The following PCDHA3 variants were observed in gnomAD, a reference collection of about 807,000 sequenced individuals.
The protein encoded by PCDHA3 is protocadherin alpha 3.
A neutral mutation model predicts 62.2 loss-of-function variants in PCDHA3; 41 were observed. That is an observed-to-expected ratio of 0.66 (90% CI 0.51 to 0.86). The LOEUF is 0.86. Among genes scored for constraint, PCDHA3 ranks in the 40% least tolerant of loss-of-function variants. The probability of loss-of-function intolerance (pLI) is 0.00; values close to 1 mark genes in which losing one functional copy is unlikely to be tolerated. For synonymous variants in PCDHA3, 640 were observed against 555.4 expected, an observed-to-expected ratio of 1.15 and a Z score of -2.14; for missense variants, 1,304 against 1,241.2, an observed-to-expected ratio of 1.05 and a Z score of -0.76.
intron 1 of PCDHA3, 102 bp downstream of exon 1, chr5:140,803,693 G>A (rs782316183): frequency 1.9e-6 from 3 of 1,543,450 alleles, no homozygotes; most frequent in Non-Finnish European, 8.8e-7. Context: ...TGAATTATGT[G>A]ATTCATAATT....
At chr5:140,859,044 G>C (rs1228604447) in intron 1 of PCDHA3, 6 of 150,376 alleles carry the variant, frequency 4.0e-5, no homozygotes, top group Non-Finnish European at 7.4e-5. Context: ...CTTTAAAAAC[G>C]TTTTCCATTT....
intron 1 of PCDHA3, chr5:140,856,192 G>A (rs782508103): frequency 1.9e-6 from 3 of 1,598,180 alleles, no homozygotes; most frequent in Non-Finnish European, 1.7e-6. Context: ...GCCGCATCGC[G>A]CAGGACCTGG....
At chr5:140,927,940 C>T (rs1247043975) in intron 1 of PCDHA3, 1 of 1,614,108 alleles carries the variant, frequency 6.2e-7, no homozygotes, top group African/African-American at 1.3e-5. Flanking sequence ...GAACCCAGTA[C>T]CTGAGGACGC....
At chr5:140,881,085 A>G (rs1554171740) in intron 1 of PCDHA3, among the ~76,000 whole-genome samples, 1 of 152,156 alleles carries the variant, frequency 6.6e-6, no homozygotes, top group East Asian at 1.9e-4. Flanking sequence ...GCTATGATAT[A>G]TTTTTCATTA....
chr5:140,907,491 C>A (rs1554193021), intron 1 of PCDHA3, among the ~76,000 whole-genome samples: 1 of 152,186 alleles, frequency 6.6e-6, no homozygotes, highest in Non-Finnish European at 1.5e-5. Flanking sequence ...AAACCCATAT[C>A]CAGAGTAAGT....
chr5:140,876,094 C>T lies in PCDHA3; in HGVS notation c.2394+72503C>T, dbSNP rs782479233. 13 of 1,613,808 alleles carry T rather than the reference C, an allele frequency of 8.1e-6. No homozygotes were observed. In the Admixed American group the frequency reaches 1.5e-4, roughly 19 times the overall value. On this transcript the variant is annotated intron_variant, in intron 1 of 3. Transcript: ENST00000522353. ...ATTGGACAGAGAGCAAACGCCAAAA[C>T]TCAATTTATTGCTGATGGTAATCGA...
At chr5:140,869,258 TG>T in intron 1 of PCDHA3, 1 of 1,613,558 alleles carries the variant, frequency 6.2e-7, no homozygotes, top group Non-Finnish European at 8.5e-7. Context: ...GCGCAGGACC[TG>T]GGGCTGGAGC....
rs782723382 is a variant in PCDHA3 at position 140,807,795 on chromosome 5, A to G, written c.2394+4204A>G. The G allele has an allele frequency of 5.0e-6, 8 of 1,614,158 alleles. No individual in the cohort carries two copies. The Admixed American group carries it at 1.3e-4, about 27-fold the overall frequency. The stretch of plus-strand genomic sequence containing the variant: ...ATATTACGGAAATCTTTAGACAGAG[A>G]AGAAGCTCCGGAGATTTTTTTAGTG... On this transcript the variant is annotated intron_variant, in intron 1 of 3. Coordinates refer to ENST00000522353, the MANE Select transcript of PCDHA3 (RefSeq NM_018906.3).
intron 1 of PCDHA3, chr5:140,848,888 A>C: frequency 6.4e-7 from 1 of 1,564,652 alleles, no homozygotes; most frequent in South Asian, 1.1e-5. Flanking sequence ...ACAACCCTCC[A>C]GTGTTCCCAG....
Position 140,835,739 on chromosome 5 carries a change from C to G in PCDHA3, c.2394+32148C>G, listed in dbSNP as rs185499663. On this transcript the variant is annotated intron_variant, in intron 1 of 3. Transcript: ENST00000522353. ...AGGTGGCCGACGTGAACGACAACGC[C>G]CCGGCGTTCGCGCAGCCCGAGTATA... The G allele has an allele frequency of 4.3e-6, 7 of 1,613,474 alleles. No individual in the cohort carries two copies. In the African/African-American group the frequency reaches 5.3e-5, roughly 12 times the overall value.
intron 1 of PCDHA3, chr5:140,968,000 C>T: frequency 1.2e-6 from 2 of 1,614,234 alleles, no homozygotes; most frequent in Non-Finnish European, 8.5e-7. Context: ...GCCTTTCCGA[C>T]TGAATGGCTT....
At position 140,969,313 on chromosome 5, in the gene PCDHA3, G is replaced by A. The variant is rs2096317901; in HGVS notation, c.2395-9636G>A. 3.7e-6 allele frequency: 6 copies of A among 1,614,160 alleles called. No homozygotes were observed. In the East Asian group the frequency reaches 8.9e-5, roughly 24 times the overall value. ...GGAACCTGATTATTCTCAAAAATGAGGCTGTTTCTCAAAATGAGGTGAGAC... is the reference window on the plus strand; with the variant it reads ...GGAACCTGATTATTCTCAAAAATGAAGCTGTTTCTCAAAATGAGGTGAGAC... On this transcript the variant is annotated intron_variant, in intron 1 of 3. Coordinates refer to ENST00000522353, the MANE Select transcript of PCDHA3 (RefSeq NM_018906.3).
At chr5:140,993,830 A>G (rs536970854) in intron 3 of PCDHA3, among the ~76,000 whole-genome samples, 44 of 152,326 alleles carry the variant, frequency 2.9e-4, no homozygotes, top group Non-Finnish European at 5.0e-4. Context: ...GCTATACCAT[A>G]TAGCCTAGGT....
At chr5:140,937,446 G>A (rs1330877546) in intron 1 of PCDHA3, among the ~76,000 whole-genome samples, 1 of 152,088 alleles carries the variant, frequency 6.6e-6, no homozygotes, top group Non-Finnish European at 1.5e-5. Context: ...TATTTTAAAA[G>A]TTTAATTTTA....
At chr5:140,880,231 A>G (rs2058275588) in intron 1 of PCDHA3, among the ~76,000 whole-genome samples, 1 of 152,266 alleles carries the variant, frequency 6.6e-6, no homozygotes, top group South Asian at 2.1e-4. Context: ...CATTTAAATT[A>G]GTGTATGTGC....
chr5:140,809,288 A>G (rs781967550), intron 1 of PCDHA3: 2 of 1,614,070 alleles, frequency 1.2e-6, no homozygotes, highest in Non-Finnish European at 1.7e-6. Context: ...CGTATACCTG[A>G]TCATTGCCAT....
chr5:140,955,698 T>C (rs1295764352), intron 1 of PCDHA3, among the ~76,000 whole-genome samples: 2 of 152,218 alleles, frequency 1.3e-5, no homozygotes, highest in South Asian at 2.1e-4. Context: ...TGAATGTCAA[T>C]GGAAGTTTAA....
intron 1 of PCDHA3, chr5:140,875,266 A>G (rs1262893019): frequency 8.3e-7 from 1 of 1,202,212 alleles, no homozygotes. Flanking sequence ...ATGTCGCTCT[A>G]CACTCAGAAG....
chr5:141,008,670 A>G (rs1375302412), intron 3 of PCDHA3, among the ~76,000 whole-genome samples: 1 of 152,218 alleles, frequency 6.6e-6, no homozygotes, highest in Non-Finnish European at 1.5e-5. Flanking sequence ...TACTTTACAT[A>G]TACTTTAGTT....
Sources: gnomAD v4.1 joint callset for allele counts (sites outside exome capture counted in the v4.1 genomes callset) on GRCh38, gnomAD v4.1.1 for gene constraint, MANE v1.5 for transcripts, NCBI Gene and HGNC (gene_info 2026-07-23, HGNC 2026-07-21) for gene names.